PITPNB: variants seen among roughly 807,000 people sequenced by gnomAD.
The protein encoded by PITPNB is phosphatidylinositol transfer protein beta isoform.
Under a neutral mutation model 45.9 loss-of-function variants are expected in PITPNB, and 16 were observed. The observed-to-expected ratio is 0.35, with a 90% CI of 0.24 to 0.53. PITPNB has a LOEUF of 0.53. Among genes scored for constraint, PITPNB ranks in the 20% least tolerant of loss-of-function variants. PITPNB has a pLI of 0.93. For missense variants in PITPNB, 188 were observed against 330.5 expected, an observed-to-expected ratio of 0.57 and a Z score of 3.34; for synonymous variants, 112 against 108.9, an observed-to-expected ratio of 1.03 and a Z score of -0.18.
chr22:27,875,862 A>G (rs1244776612), intron 7 of PITPNB, among the ~76,000 whole-genome samples: 2 of 152,222 alleles, frequency 1.3e-5, no homozygotes, highest in Non-Finnish European at 2.9e-5. Flanking sequence ...AAGCAAGCAA[A>G]GAACAGGTAA....
chr22:27,853,772 A>G, intron 11 of PITPNB, 109 bp from the exon 12 acceptor site: 1 of 771,532 alleles, frequency 1.3e-6, no homozygotes, highest in Non-Finnish European at 2.2e-6. Flanking sequence ...TTGGCAGAAA[A>G]TGTACCCCAA....
chr22:27,868,887 T>C (rs114418758), intron 8 of PITPNB, among the ~76,000 whole-genome samples: 10 of 152,276 alleles, frequency 6.6e-5, no homozygotes, highest in Admixed American at 3.9e-4. Context: ...TTAACTATCA[T>C]GTATTTGTAG....
chr22:27,914,397 AAC>A, intron 1 of PITPNB, 50 bp from the exon 2 acceptor site: 1 of 1,111,000 alleles, frequency 9.0e-7, no homozygotes, highest in Non-Finnish European at 1.3e-6. Flanking sequence ...AATAGCTTTA[AAC>A]ACAGATCTCT....
intron 3 of PITPNB, among the ~76,000 whole-genome samples, chr22:27,907,089 G>T (rs1200672904): frequency 1.3e-5 from 2 of 152,184 alleles, no homozygotes; most frequent in African/African-American, 4.8e-5. Flanking sequence ...ATGTTATATA[G>T]TGACGGTGCA....
chr22:27,902,514 T>C (rs1935627187), intron 3 of PITPNB, among the ~76,000 whole-genome samples: 1 of 152,056 alleles, frequency 6.6e-6, no homozygotes. Flanking sequence ...TGGGAAAGAA[T>C]GGATGCAATT....
chr22:27,897,789 G>A lies in PITPNB; in HGVS notation c.289+12C>T, dbSNP rs1305856853. On this transcript the variant is annotated intron_variant, in intron 4 of 11. Transcript: ENST00000335272. ...GTGGAGGGGTGCAATGGCTGCTGGG[G>A]GCCAAGCTTACTTGTTCTACAGTAG... 1.9e-6 allele frequency: 3 copies of A among 1,585,488 alleles called. No homozygotes were observed. Among genetic ancestry groups the A allele is most frequent in the Admixed American group, 1.7e-5 (1 of 59,952 alleles).
At chr22:27,856,686 G>A (rs1442602952) in intron 10 of PITPNB, among the ~76,000 whole-genome samples, 1 of 152,252 alleles carries the variant, frequency 6.6e-6, no homozygotes, top group Non-Finnish European at 1.5e-5. Flanking sequence ...GGTTTGAGCT[G>A]TTGGTAAATC....
chr22:27,875,261 A>C (rs1934786884), intron 7 of PITPNB, among the ~76,000 whole-genome samples: 1 of 152,282 alleles, frequency 6.6e-6, no homozygotes, highest in South Asian at 2.1e-4. Context: ...GTCTGGCTAT[A>C]CTGGGTCTTA....
At chr22:27,853,726 G>T in intron 11 of PITPNB, 63 bp from the exon 12 acceptor site, 1 of 1,128,186 alleles carries the variant, frequency 8.9e-7, no homozygotes, top group South Asian at 1.3e-5. Flanking sequence ...AATGTTAGCA[G>T]CTCGTCACAC....
intron 7 of PITPNB, among the ~76,000 whole-genome samples, chr22:27,880,504 C>T (rs1289398417): frequency 6.6e-6 from 1 of 152,128 alleles, no homozygotes; most frequent in African/African-American, 2.4e-5. Flanking sequence ...ACACCCCCAT[C>T]ACCTCCATTA....
chr22:27,910,496 G>A (rs1935889820), intron 3 of PITPNB: 1 of 154,936 alleles, frequency 6.5e-6, no homozygotes, highest in Non-Finnish European at 1.4e-5. Context: ...ATGTCCAGAA[G>A]AAATTTTACT....
At chr22:27,903,004 T>C (rs1004696035) in intron 3 of PITPNB, among the ~76,000 whole-genome samples, 1 of 152,180 alleles carries the variant, frequency 6.6e-6, no homozygotes, top group Non-Finnish European at 1.5e-5. Context: ...TAGCTGGGAC[T>C]ATAGGCAAAC....
Position 27,854,881 on chromosome 22 carries a change from A to AG in PITPNB, c.*10dup. ...AGTTTGACATTGTCTCTGACCCTAC[A>AG]GGGGACTCATCTAGACATCAGCAGC... On this transcript the variant is annotated 3_prime_UTR_variant, in exon 11 of 12. Transcript: ENST00000335272. 6.2e-7 allele frequency: 1 copy of AG among 1,612,668 alleles called. No homozygotes were observed. Among genetic ancestry groups the AG allele is most frequent in the Non-Finnish European group, 8.5e-7 (1 of 1,178,682 alleles).
At chr22:27,911,894 C>G (rs1935935130) in intron 2 of PITPNB, among the ~76,000 whole-genome samples, 1 of 152,182 alleles carries the variant, frequency 6.6e-6, no homozygotes, top group African/African-American at 2.4e-5. Context: ...TCAGAGGCCT[C>G]CATCAATACC....
chr22:27,890,985 C>G (rs1041012151), intron 7 of PITPNB, among the ~76,000 whole-genome samples: 1 of 152,192 alleles, frequency 6.6e-6, no homozygotes, highest in Non-Finnish European at 1.5e-5. Context: ...GGAGGCTGTG[C>G]GTTGCGTGAT....
At chr22:27,905,827 CA>C (rs1344635208) in intron 3 of PITPNB, among the ~76,000 whole-genome samples, 2 of 152,184 alleles carry the variant, frequency 1.3e-5, no homozygotes, top group Non-Finnish European at 2.9e-5. Flanking sequence ...AAGGACTGGT[CA>C]GTGTGTTCGT....
At chr22:27,871,797 T>C (rs1934667899) in intron 8 of PITPNB, among the ~76,000 whole-genome samples, 1 of 152,248 alleles carries the variant, frequency 6.6e-6, no homozygotes, top group Non-Finnish European at 1.5e-5. Context: ...CAATCCCTAA[T>C]GTTAGAGGTA....
intron 8 of PITPNB, among the ~76,000 whole-genome samples, chr22:27,873,085 T>C (rs374533627): frequency 4.5e-4 from 69 of 152,058 alleles, no homozygotes; most frequent in African/African-American, 1.7e-3. Context: ...CTGACCAACA[T>C]GGAGAAACCC....
chr22:27,883,620 T>C (rs1397830427), intron 7 of PITPNB, among the ~76,000 whole-genome samples: 1 of 152,234 alleles, frequency 6.6e-6, no homozygotes, highest in East Asian at 1.9e-4. Context: ...CAGACCACAC[T>C]TGAATGCAAA....
Sources: gnomAD v4.1 joint callset for allele counts (sites outside exome capture counted in the v4.1 genomes callset) on GRCh38, gnomAD v4.1.1 for gene constraint, MANE v1.5 for transcripts, NCBI Gene and HGNC (gene_info 2026-07-23, HGNC 2026-07-21) for gene names.